Variants in INSC observed in about 807,000 individuals in gnomAD.
INSC encodes protein inscuteable homolog.
Under a neutral mutation model 58.6 loss-of-function variants are expected in INSC, and 67 were observed. The ratio of observed to expected loss-of-function variants is 1.14; its 90% confidence interval spans 0.94 to 1.40. INSC has a LOEUF of 1.40. INSC is among the 40% of genes most tolerant of loss of function. INSC has a pLI of 0.00. For missense variants in INSC, 714 were observed against 692.0 expected, an observed-to-expected ratio of 1.03 and a Z score of -0.36; for synonymous variants, 262 against 276.1, an observed-to-expected ratio of 0.95 and a Z score of 0.51.
chr11:15,175,617 A>G, intron 2 of INSC, 124 bp from the exon 3 acceptor site: 1 of 602,596 alleles, frequency 1.7e-6, no homozygotes, highest in Non-Finnish European at 2.7e-6. Flanking sequence ...ATCAAGGTGC[A>G]TGAATGGGAG....
chr11:15,190,939 T>A, intron 6 of INSC, 125 bp downstream of exon 6: 1 of 653,712 alleles, frequency 1.5e-6, no homozygotes, highest in Non-Finnish European at 2.7e-6. Context: ...TGAGTCTCCT[T>A]GGGAGAGTCA....
intron 9 of INSC, among the ~76,000 whole-genome samples, chr11:15,230,028 AT>A (rs1339852743): frequency 1.5e-5 from 1 of 68,312 alleles, no homozygotes; most frequent in Non-Finnish European, 2.7e-5. Flanking sequence ...ATATATATAT[AT>A]ATATATATAT....
chr11:15,212,888 C>A (rs141251843), intron 7 of INSC, among the ~76,000 whole-genome samples: 65 of 152,252 alleles, frequency 4.3e-4, no homozygotes, highest in Non-Finnish European at 7.9e-4. Flanking sequence ...TAATGGGTAT[C>A]TTTACCTTGT....
At chr11:15,257,818 G>A in the INSC span, among the ~76,000 whole-genome samples, 7 of 152,266 alleles carry the variant, frequency 4.6e-5, no homozygotes, top group South Asian at 4.1e-4. Context: ...TGCCTTCAGA[G>A]GGAGCACAGC....
chr11:15,113,388 G>A (rs1287310337), upstream of INSC, among the ~76,000 whole-genome samples: 5 of 152,000 alleles, frequency 3.3e-5, no homozygotes, highest in African/African-American at 9.7e-5. Flanking sequence ...CTTAATCTCC[G>A]GACTTTGTGA....
At chr11:15,139,346 C>T (rs1346727090) in intron 1 of INSC, among the ~76,000 whole-genome samples, 2 of 152,150 alleles carry the variant, frequency 1.3e-5, no homozygotes, top group East Asian at 3.9e-4. Flanking sequence ...CACCCTGGGC[C>T]CTGGGCCCAG....
intron 2 of INSC, among the ~76,000 whole-genome samples, chr11:15,167,891 C>T (rs980898428): frequency 2.0e-5 from 3 of 152,142 alleles, no homozygotes; most frequent in Non-Finnish European, 2.9e-5. Flanking sequence ...AGCTGGACAG[C>T]TCTGTGTGGC....
At chr11:15,219,370 G>A (rs1348041108) in intron 7 of INSC, among the ~76,000 whole-genome samples, 1 of 152,174 alleles carries the variant, frequency 6.6e-6, no homozygotes, top group Non-Finnish European at 1.5e-5. Flanking sequence ...GCCTCCAGGA[G>A]GCCCCTCTGT....
rs1038883879 is a variant in INSC at position 15,178,849 on chromosome 11, A to C, written c.579+402A>C. Among the ~76,000 whole-genome samples, 6 of 152,334 alleles carry C rather than the reference A, an allele frequency of 3.9e-5. No individual in the cohort carries two copies. In the South Asian group the frequency reaches 1.0e-3, roughly 26 times the overall value. ...TTGCTTTCCTGGGTAGAACACTGTCAGGCCACAGGAGTAAATTGGAACCTG... is the reference window on the plus strand; with the variant it reads ...TTGCTTTCCTGGGTAGAACACTGTCCGGCCACAGGAGTAAATTGGAACCTG... On this transcript the variant is annotated intron_variant, in intron 5 of 12. Coordinates refer to ENST00000379556, the MANE Select transcript of INSC (RefSeq NM_001042536.3).
At chr11:15,174,988 G>C (rs1254729690) in intron 2 of INSC, among the ~76,000 whole-genome samples, 2 of 152,100 alleles carry the variant, frequency 1.3e-5, no homozygotes, top group East Asian at 3.9e-4. Flanking sequence ...ATTTGATTAA[G>C]ATCTTAGGAA....
chr11:15,120,875 A>G (rs1308538430), intron 1 of INSC, among the ~76,000 whole-genome samples: 1 of 152,118 alleles, frequency 6.6e-6, no homozygotes. Flanking sequence ...TATAAGACTT[A>G]TATAAGAAAT....
chr11:15,125,744 G>C (rs116917818), intron 1 of INSC, among the ~76,000 whole-genome samples: 1 of 152,092 alleles, frequency 6.6e-6, no homozygotes, highest in Non-Finnish European at 1.5e-5. Context: ...GCATATTCTT[G>C]TGGGACTTTG....
At chr11:15,222,479 C>A (rs572714992) in intron 8 of INSC, among the ~76,000 whole-genome samples, 38 of 152,210 alleles carry the variant, frequency 2.5e-4, no homozygotes, top group Admixed American at 1.2e-3. Flanking sequence ...AGGGGCAACA[C>A]AGAACATTGG....
intron 8 of INSC, among the ~76,000 whole-genome samples, chr11:15,224,287 G>C (rs1851549649): frequency 6.6e-6 from 1 of 152,112 alleles, no homozygotes; most frequent in Admixed American, 6.6e-5. Flanking sequence ...CTACTTTGAG[G>C]GTATTCAGAA....
At chr11:15,147,193 G>A (rs938066696) in intron 1 of INSC, among the ~76,000 whole-genome samples, 6 of 152,104 alleles carry the variant, frequency 3.9e-5, no homozygotes, top group East Asian at 1.9e-4. Context: ...GGGAGCAAAC[G>A]CCTCATTTTA....
At chr11:15,203,370 A>G (rs562285464) in intron 7 of INSC, among the ~76,000 whole-genome samples, 46 of 152,306 alleles carry the variant, frequency 3.0e-4, no homozygotes, top group African/African-American at 1.1e-3. Context: ...CTTATAATAC[A>G]CAGACACTCA....
At chr11:15,140,481 T>C (rs920384681) in intron 1 of INSC, among the ~76,000 whole-genome samples, 2 of 152,126 alleles carry the variant, frequency 1.3e-5, no homozygotes, top group African/African-American at 4.8e-5. Context: ...GGATTTCCCA[T>C]GGTTGGAATG....
chr11:15,204,278 T>C (rs568481352), intron 7 of INSC, among the ~76,000 whole-genome samples: 12 of 152,328 alleles, frequency 7.9e-5, no homozygotes, highest in African/African-American at 2.6e-4. Flanking sequence ...CAAGGGCGCA[T>C]AGCTAAAAAG....
chr11:15,182,944 T>C (rs1483548546), intron 5 of INSC, among the ~76,000 whole-genome samples: 1 of 151,924 alleles, frequency 6.6e-6, no homozygotes, highest in African/African-American at 2.4e-5. Context: ...GGTATGGGAG[T>C]GGAGAATCAA....
Sources: allele counts gnomAD v4.1 joint callset (sites outside exome capture counted in the v4.1 genomes callset), GRCh38; gene constraint gnomAD v4.1.1; transcripts MANE v1.5; gene names NCBI Gene and HGNC (gene_info 2026-07-23, HGNC 2026-07-21).